EXOC6: variants seen among roughly 807,000 people sequenced by gnomAD.
EXOC6 encodes the protein exocyst complex component 6, also known as SEC15-like 1.
Under a neutral mutation model 112.5 loss-of-function variants are expected in EXOC6, and 60 were observed. That is an observed-to-expected ratio of 0.53 (90% CI 0.43 to 0.66). The LOEUF (loss-of-function observed/expected upper bound fraction) is 0.66. Among genes scored for constraint, EXOC6 ranks in the 30% least tolerant of loss-of-function variants. The pLI, the probability that EXOC6 is intolerant of heterozygous loss-of-function variation, is 0.00. For synonymous variants in EXOC6, 295 were observed against 308.0 expected (o/e 0.96, Z 0.44); for missense variants, 855 against 957.1 (o/e 0.89, Z 1.41).
In EXOC6 at chr10:93,059,457, G is replaced by A. The variant is rs570036107; in HGVS notation, c.*1102G>A. On this transcript the variant is annotated 3_prime_UTR_variant, in exon 22 of 22. Transcript: ENST00000260762. ...TATGTACATCTCTGGATTTTGTGAT[G>A]AAATATTAAAAATATTGAGCAAGTT... 126 of 152,238 alleles carry A rather than the reference G, an allele frequency of 8.3e-4. No individual in the cohort carries two copies. The highest frequency in any genetic ancestry group is 2.9e-3 in the African/African-American group (122 of 41,540). The allele number at this position is 152,238 out of a possible 1,614,324, so 9.4% of individuals were successfully genotyped here.
intron 19 of EXOC6, among the ~76,000 whole-genome samples, chr10:93,010,420 T>C (rs1844184008): frequency 6.6e-6 from 1 of 152,118 alleles, no homozygotes; most frequent in Admixed American, 6.6e-5. Context: ...AATGAAGGAC[T>C]CAGCTGGGTG....
At position 92,928,221 on chromosome 10, in the gene EXOC6, A is replaced by G. The variant is rs574835126; in HGVS notation, c.889-118A>G. ...TTCTTGACATTCTGTATGAAATGCT[A>G]TTAAACATTTACATTCTAGTTAGAG... On this transcript the variant is annotated intron_variant, in intron 8 of 21. Coordinates refer to ENST00000260762, the MANE Select transcript of EXOC6 (RefSeq NM_019053.6). 8.8e-4 allele frequency: 503 copies of G among 570,176 alleles called. 8 individuals are homozygous for G. In the South Asian group the frequency reaches 0.013, roughly 14 times the overall value. 35.3% of individuals were successfully genotyped at this position (570,176 alleles called of 1,614,324 possible).
upstream of EXOC6, chr10:92,834,588 G>T (rs1846601534): frequency 1.7e-6 from 1 of 576,536 alleles, no homozygotes; most frequent in Non-Finnish European, 3.0e-6. Context: ...CATGAAGTCA[G>T]ACAGTGAGCT....
rs531404756 is a variant in EXOC6 at position 92,975,334 on chromosome 10, C to T, written c.1953+1102C>T. Among the ~76,000 whole-genome samples the T allele has an allele frequency of 9.9e-3, 1,496 of 151,018 alleles. 30 individuals are homozygous for T. Among genetic ancestry groups the T allele is most frequent in the African/African-American group, 0.034 (1,400 of 41,106 alleles). ...GTGAGGAGACCCTCTGCCTGGCAACCGCCCGGTCTGAGAAGTGAGGAGCCC... is the reference window on the plus strand; with the variant it reads ...GTGAGGAGACCCTCTGCCTGGCAACTGCCCGGTCTGAGAAGTGAGGAGCCC... On this transcript the variant is annotated intron_variant, in intron 18 of 21. Transcript: ENST00000260762.
chr10:93,008,458 G>A (rs1359660564), intron 19 of EXOC6, among the ~76,000 whole-genome samples: 2 of 152,178 alleles, frequency 1.3e-5, no homozygotes, highest in Admixed American at 1.3e-4. Context: ...AGGGGGGGAA[G>A]TGGGCATTAT....
chr10:92,977,716 T>C (rs888768315), intron 18 of EXOC6, among the ~76,000 whole-genome samples: 3 of 152,100 alleles, frequency 2.0e-5, no homozygotes, highest in Non-Finnish European at 2.9e-5. Context: ...CGTTTTATGT[T>C]TTAATATCTG....
At chr10:92,831,233 G>A, upstream of EXOC6, 1 of 795,258 alleles carries the variant, frequency 1.3e-6, no homozygotes, top group South Asian at 1.4e-5. Context: ...AGGGTGGGGA[G>A]AGCTGAGGAG....
Position 92,920,014 on chromosome 10 carries a change from C to A in EXOC6, c.852C>A (p.Ser284=). Residue 284 remains serine (S), a synonymous_variant, in exon 8 of 22, where the codon TCC becomes TCA. Coordinates refer to ENST00000260762, the MANE Select transcript of EXOC6 (RefSeq NM_019053.6). ...ILTVQDLVDF[S]PVYRCLHIYS... ...CTGTTCAGGATCTTGTTGATTTTTC[C>A]CCTGTTTATCGATGTTTGCACATTT... 1 of 1,604,870 alleles carries A rather than the reference C, an allele frequency of 6.2e-7. No individual in the cohort carries two copies. The highest frequency in any genetic ancestry group is 2.3e-5 in the East Asian group (1 of 44,388).
At chr10:93,002,175 TTATCC>T (rs1352910693) in intron 19 of EXOC6, among the ~76,000 whole-genome samples, 2 of 152,186 alleles carry the variant, frequency 1.3e-5, no homozygotes, top group Non-Finnish European at 2.9e-5. Flanking sequence ...TCTATTTTTC[TTATCC>T]TATATATATA....
At chr10:92,831,558 C>T (rs545257378), upstream of EXOC6, among the ~76,000 whole-genome samples, 5 of 152,072 alleles carry the variant, frequency 3.3e-5, no homozygotes, top group Non-Finnish European at 5.9e-5. Context: ...CTCAGCCTCC[C>T]GAATAGCTGG....
chr10:92,851,060 C>T lies in EXOC6; in HGVS notation c.101+2426C>T, dbSNP rs183979014. On this transcript the variant is annotated intron_variant, in intron 1 of 21. Transcript: ENST00000260762. ...AAGAGAAATTAGAAAGTATTTTAAA[C>T]TGAGTAAAATGAAAACACAGCATAT... Among the ~76,000 whole-genome samples the T allele has an allele frequency of 2.9e-3, 436 of 152,212 alleles. 2 individuals carry two copies. Among genetic ancestry groups the T allele is most frequent in the African/African-American group, 0.01 (418 of 41,516 alleles).
At chr10:92,946,319 G>C (rs371902038) in intron 13 of EXOC6, among the ~76,000 whole-genome samples, 4 of 151,728 alleles carry the variant, frequency 2.6e-5, no homozygotes, top group African/African-American at 7.3e-5. Flanking sequence ...GCTTGAACCC[G>C]GGAGGCTGAG....
upstream of EXOC6, among the ~76,000 whole-genome samples, chr10:92,846,954 T>C (rs939271614): frequency 1.1e-4 from 16 of 152,120 alleles, no homozygotes; most frequent in Admixed American, 3.3e-4. Context: ...CACAGAAGAA[T>C]GGTCAGAGAG....
chr10:92,952,248 C>G (rs773437951), intron 14 of EXOC6, 25 bp from the exon 15 acceptor site: 4 of 1,448,350 alleles, frequency 2.8e-6, no homozygotes, highest in African/African-American at 2.8e-5. Context: ...ATTTCAAAAA[C>G]AATATTAACT....
intron 17 of EXOC6, among the ~76,000 whole-genome samples, chr10:92,965,441 ATTAC>A (rs1437408257): frequency 6.6e-6 from 1 of 152,142 alleles, no homozygotes; most frequent in African/African-American, 2.4e-5. Context: ...CAAAGGAAGA[ATTAC>A]TTTGTTTATA....
intron 5 of EXOC6, among the ~76,000 whole-genome samples, chr10:92,902,865 T>G (rs575196787): frequency 6.6e-6 from 1 of 152,278 alleles, no homozygotes; most frequent in Admixed American, 6.5e-5. Flanking sequence ...TCTTCTTCAC[T>G]CCCGATAATG....
intron 18 of EXOC6, among the ~76,000 whole-genome samples, chr10:92,977,372 T>C (rs142132496): frequency 0.011 from 1,720 of 152,162 alleles, 19 homozygotes; most frequent in Non-Finnish European, 0.017. Context: ...TAAAAAAAAT[T>C]AATGGAAGAC....
intron 7 of EXOC6, among the ~76,000 whole-genome samples, chr10:92,917,920 G>A (rs527701101): frequency 1.3e-5 from 2 of 152,290 alleles, no homozygotes; most frequent in East Asian, 1.9e-4. Flanking sequence ...GGGAGGCCGA[G>A]GGGGGCAGAT....
chr10:92,890,198 A>G (rs1849429053), intron 1 of EXOC6, among the ~76,000 whole-genome samples: 3 of 152,118 alleles, frequency 2.0e-5, no homozygotes, highest in African/African-American at 7.2e-5. Flanking sequence ...TTAGATTTAT[A>G]TCTAAGTATT....
Sources: allele counts gnomAD v4.1 joint callset (sites outside exome capture counted in the v4.1 genomes callset), GRCh38; gene constraint gnomAD v4.1.1; transcripts MANE v1.5; gene names NCBI Gene and HGNC (gene_info 2026-07-23, HGNC 2026-07-21).